The following NCLN variants were observed in gnomAD, a reference collection of about 807,000 sequenced individuals.
The protein encoded by NCLN is BOS complex subunit NCLN.
Under a neutral mutation model 69.5 loss-of-function variants are expected in NCLN, and 34 were observed. That is an observed-to-expected ratio of 0.49 (90% CI 0.37 to 0.65). The LOEUF is 0.65. NCLN is among the 30% of genes least tolerant of loss of function. The pLI is 0.00. For missense variants in NCLN, 710 were observed against 804.8 expected (o/e 0.88, Z 1.42); for synonymous variants, 393 against 358.3 (o/e 1.10, Z -1.09).
chr19:3,207,509 G>A (rs750854992), intron 14 of NCLN, 40 bp downstream of exon 14: 14 of 1,609,602 alleles, frequency 8.7e-6, no homozygotes, highest in South Asian at 4.4e-5. Flanking sequence ...GGGGCCGCCC[G>A]CCGGGAGGAG....
In NCLN at chr19:3,192,506, C is replaced by G. The variant is rs1413707948; in HGVS notation, c.221C>G (p.Thr74Arg). 1.2e-6 allele frequency: 2 copies of G among 1,607,496 alleles called. No individual in the cohort carries two copies. The highest frequency in any genetic ancestry group is 8.5e-7 in the Non-Finnish European group (1 of 1,177,970). The part of the protein sequence containing the change: ...RNAVLNTEAR[T>R]MAAEVLSRRC... ...GCAGTGCTGAACACGGAGGCGCGCA[C>G]GATGGCGGCGGAGGTGCTGAGCCGC... Residue 74 changes from threonine to arginine, a missense_variant, in exon 2 of 15, where the codon ACG becomes AGG. Transcript: ENST00000246117.
chr19:3,196,325 T>C, intron 4 of NCLN, 48 bp downstream of exon 4: 1 of 1,384,906 alleles, frequency 7.2e-7, no homozygotes, highest in Non-Finnish European at 9.9e-7. Flanking sequence ...CAGGGGTTCC[T>C]GCCATCCGCC....
At position 3,206,012 on chromosome 19, in the gene NCLN, A is replaced by G. The variant is rs1366323085; in HGVS notation, c.1282A>G (p.Asn428Asp). 2.5e-6 allele frequency: 4 copies of G among 1,613,356 alleles called. No individual in the cohort carries two copies. The highest frequency in any genetic ancestry group is 1.7e-5 in the Admixed American group (1 of 60,012). The change falls in exon 10 of 15, where the codon AAC (asparagine) becomes GAC (aspartate). Residue 428 changes from asparagine to aspartate, a missense_variant. Asn to Asp is a conservative substitution (Grantham distance 23). Coordinates refer to ENST00000246117, the MANE Select transcript of NCLN (RefSeq NM_020170.4). Reference sequence around the variant, plus strand: ...AGAGGCCCTGACTCGAGTCATCTACAACCTGACAGAGAAGGTGAGCCCTGA... The same window carrying G: ...AGAGGCCCTGACTCGAGTCATCTACGACCTGACAGAGAAGGTGAGCCCTGA... Reference protein sequence around the residue: ...IAEALTRVIYNLTEKGTPPDM... With the variant: ...IAEALTRVIYDLTEKGTPPDM...
intron 5 of NCLN, among the ~76,000 whole-genome samples, chr19:3,200,744 C>T (rs922244272): frequency 2.6e-5 from 4 of 152,168 alleles, no homozygotes; most frequent in Non-Finnish European, 5.9e-5. Context: ...AAAGCAGCCC[C>T]TCCCCATCAG....
At chr19:3,188,429 C>G (rs773904051) in intron 1 of NCLN, among the ~76,000 whole-genome samples, 6 of 152,212 alleles carry the variant, frequency 3.9e-5, no homozygotes, top group Non-Finnish European at 8.8e-5. Flanking sequence ...TCTCCAGCCT[C>G]CTAGAGTCCC....
chr19:3,205,675 C>T lies in NCLN; in HGVS notation c.1209-264C>T, dbSNP rs762171346. 6.6e-6 allele frequency among the ~76,000 whole-genome samples: 1 copy of T among 152,160 alleles called. No individual in the cohort carries two copies. Among genetic ancestry groups the T allele is most frequent in the East Asian group, 1.9e-4 (1 of 5,198 alleles). The stretch of plus-strand genomic sequence containing the variant: ...TTTAAATTCTGGAAGAGCAGAAAAC[C>T]GAGTCAGAAGGAACCAAGGCCTCAG... On this transcript the variant is annotated intron_variant, in intron 9 of 14. Coordinates refer to ENST00000246117, the MANE Select transcript of NCLN (RefSeq NM_020170.4). This position sits in a 1 kb window ranked among gnomAD's most constrained non-coding sequence, Gnocchi z 4.6.
At chr19:3,200,312 A>ATTTTTT (rs34745192) in intron 5 of NCLN, among the ~76,000 whole-genome samples, 4 of 126,910 alleles carry the variant, frequency 3.2e-5, no homozygotes, top group Admixed American at 8.2e-5. Flanking sequence ...TTATTTATGT[A>ATTTTTT]TTTTTTTTTT....
Position 3,207,190 on chromosome 19 carries a change from C to T in NCLN, c.1500-8C>T, listed in dbSNP as rs200872324. 6.8e-6 allele frequency: 11 copies of T among 1,613,602 alleles called. No individual in the cohort carries two copies. The African/African-American group carries it at 1.1e-4, about 16-fold the overall frequency. ...GTGGTGCCCCCTGAGAAAGTGCTCT[C>T]TCCCCAGGGACCCAGAGTTTGTCTT... On this transcript the variant is annotated splice_region_variant and splice_polypyrimidine_tract_variant and intron_variant, in intron 12 of 14. Coordinates refer to ENST00000246117, the MANE Select transcript of NCLN (RefSeq NM_020170.4).
chr19:3,200,149 T>G (rs1916087967), intron 5 of NCLN, among the ~76,000 whole-genome samples: 1 of 151,970 alleles, frequency 6.6e-6, no homozygotes, highest in Non-Finnish European at 1.5e-5. Flanking sequence ...AAACTCAAGC[T>G]GCTCAGAGCA....
chr19:3,193,995 G>A (rs1427406144), intron 3 of NCLN, among the ~76,000 whole-genome samples: 1 of 152,332 alleles, frequency 6.6e-6, no homozygotes, highest in South Asian at 2.1e-4. Flanking sequence ...CCAGCTGAGG[G>A]GCTTGCCCGG....
rs1226866730 is a variant in NCLN at position 3,208,269 on chromosome 19, A to C, written c.*581A>C. 6.6e-6 allele frequency: 1 copy of C among 152,424 alleles called. No individual in the cohort carries two copies. The highest frequency in any genetic ancestry group is 1.5e-5 in the Non-Finnish European group (1 of 68,186). The allele number at this position is 152,424 out of a possible 1,614,324, so 9.4% of individuals were successfully genotyped here. The stretch of plus-strand genomic sequence containing the variant: ...AGCCTTTTGTTCCCCATGTGGTCTC[A>C]GTGACCCGTCCCCCTGACAGTGGGC... On this transcript the variant is annotated 3_prime_UTR_variant, in exon 15 of 15. Coordinates refer to ENST00000246117, the MANE Select transcript of NCLN (RefSeq NM_020170.4).
At position 3,192,493 on chromosome 19, in the gene NCLN, A is replaced by G. The variant is rs1458348503; in HGVS notation, c.208A>G (p.Thr70Ala). ...AGGCACACGGAATGCAGTGCTGAAC[A>G]CGGAGGCGCGCACGATGGCGGCGGA... ...PYGTRNAVLN[T>A]EARTMAAEVL... is the part of the protein sequence containing the mutation. Residue 70 changes from threonine to alanine, a missense_variant, in exon 2 of 15, where the codon ACG (threonine) becomes GCG (alanine). By Grantham distance (58) the Thr-to-Ala change is moderately conservative. Coordinates refer to ENST00000246117, the MANE Select transcript of NCLN (RefSeq NM_020170.4). 1.9e-6 allele frequency: 3 copies of G among 1,606,124 alleles called. No homozygotes were observed. The highest frequency in any genetic ancestry group is 2.2e-5 in the East Asian group (1 of 44,516).
chr19:3,207,429 G>T lies in NCLN; in HGVS notation c.1592G>T (p.Gly531Val). Residue 531 changes from glycine (G) to valine (V), a missense_variant, in exon 14 of 15, where the codon GGC (glycine) becomes GTC (valine). Transcript: ENST00000246117. Reference sequence around the variant, plus strand: ...GTCTTTGACCTGCTCCTGGCTGTTGGCATTGCTGCCTACCTCGGCATGGCC... The same window carrying T: ...GTCTTTGACCTGCTCCTGGCTGTTGTCATTGCTGCCTACCTCGGCATGGCC... ...PAVFDLLLAV[G>V]IAAYLGMAYV... The T allele has an allele frequency of 6.2e-7, 1 of 1,613,072 alleles. No homozygotes were observed. Among genetic ancestry groups the T allele is most frequent in the Non-Finnish European group, 8.5e-7 (1 of 1,180,004 alleles).
intron 1 of NCLN, among the ~76,000 whole-genome samples, chr19:3,191,033 G>T (rs536658322): frequency 6.9e-6 from 1 of 145,442 alleles, no homozygotes; most frequent in Non-Finnish European, 1.5e-5. Flanking sequence ...GGAGATCGTC[G>T]TGGTGCGTGG....
chr19:3,207,702 A>C lies in NCLN; in HGVS notation c.*14A>C. The C allele has an allele frequency of 1.9e-6, 3 of 1,605,088 alleles. No individual in the cohort carries two copies. Among genetic ancestry groups the C allele is most frequent in the Middle Eastern group, 1.7e-4 (1 of 6,046 alleles). ...AAGACACAGTGACACAGCCACCCCC[A>C]CAGCCGGAGCCCCCGCCGCTCCACA... On this transcript the variant is annotated 3_prime_UTR_variant, in exon 15 of 15. Transcript: ENST00000246117.
intron 1 of NCLN, among the ~76,000 whole-genome samples, chr19:3,189,236 G>A (rs1217647250): frequency 6.6e-6 from 1 of 152,172 alleles, no homozygotes; most frequent in Non-Finnish European, 1.5e-5. Context: ...GGCTCGTTGA[G>A]CTTATGGCCC....
intron 8 of NCLN, 52 bp downstream of exon 8, chr19:3,204,196 G>A (rs750326259): frequency 6.8e-6 from 10 of 1,474,714 alleles, no homozygotes; most frequent in South Asian, 1.4e-5. Flanking sequence ...CACACACATC[G>A]GGGCCGGGTT....
chr19:3,198,993 AG>A, intron 5 of NCLN, 96 bp downstream of exon 5: 1 of 856,116 alleles, frequency 1.2e-6, no homozygotes, highest in Non-Finnish European at 1.6e-6. Context: ...GATGGCGGCC[AG>A]GGTCAGCGGC....
chr19:3,204,783 T>C, intron 9 of NCLN, 32 bp downstream of exon 9: 1 of 1,413,512 alleles, frequency 7.1e-7, no homozygotes, highest in Non-Finnish European at 9.2e-7. Context: ...CGGCCCCTCC[T>C]AGGGCTTTCC....
Sources: allele counts gnomAD v4.1 joint callset (sites outside exome capture counted in the v4.1 genomes callset), GRCh38; gene constraint gnomAD v4.1.1; non-coding constraint Gnocchi (gnomAD v3.1); transcripts MANE v1.5; gene names NCBI Gene and HGNC (gene_info 2026-07-23, HGNC 2026-07-21).